The following SPI1 variants were observed in gnomAD, a reference collection of about 807,000 sequenced individuals.
SPI1 encodes the protein Spi-1 proto-oncogene.
SPI1 carries 3 observed loss-of-function variants against 30.7 expected under a neutral mutation model. The ratio of observed to expected loss-of-function variants is 0.10; its 90% CI spans 0.04 to 0.25. The LOEUF is 0.25. SPI1 is among the 10% of genes least tolerant of loss of function. The pLI is 1.00. For missense variants in SPI1, 261 were observed against 371.5 expected, an observed-to-expected ratio of 0.70 and a Z score of 2.45; for synonymous variants, 169 against 157.1, an observed-to-expected ratio of 1.08 and a Z score of -0.56.
At chr11:47,371,274 C>T (rs1260520105) in intron 2 of SPI1, among the ~76,000 whole-genome samples, 3 of 141,056 alleles carry the variant, frequency 2.1e-5, no homozygotes, top group Admixed American at 7.4e-5. Flanking sequence ...GCAGGAGAAT[C>T]GCTTGAACCC....
At chr11:47,360,237 C>G (rs1355861940) in intron 2 of SPI1, among the ~76,000 whole-genome samples, 197 bp from the exon 3 acceptor site, 2 of 152,054 alleles carry the variant, frequency 1.3e-5, no homozygotes, top group Non-Finnish European at 2.9e-5. Context: ...CATAGCATGC[C>G]CAAGGTCAAA....
chr11:47,356,223 ACACT>A (rs1322885707), intron 4 of SPI1, among the ~76,000 whole-genome samples: 33 of 151,076 alleles, frequency 2.2e-4, no homozygotes, highest in Admixed American at 3.3e-4. Flanking sequence ...ACATGCTCAC[ACACT>A]CATTCACTAA....
At chr11:47,373,375 C>T (rs149127048) in intron 2 of SPI1, among the ~76,000 whole-genome samples, 145 of 151,058 alleles carry the variant, frequency 9.6e-4, no homozygotes, top group African/African-American at 3.4e-3. Flanking sequence ...AGACTGGGCG[C>T]GGTGGTTCAC....
At chr11:47,357,659 G>A (rs559119397) in intron 4 of SPI1, among the ~76,000 whole-genome samples, 8 of 152,306 alleles carry the variant, frequency 5.3e-5, no homozygotes, top group Admixed American at 3.9e-4. Flanking sequence ...TCCACCTCCC[G>A]GGTTCAAGCA....
chr11:47,357,079 T>TTCACACATGCTAACACC (rs1221830716), intron 4 of SPI1, among the ~76,000 whole-genome samples: 1 of 147,808 alleles, frequency 6.8e-6, no homozygotes, highest in South Asian at 2.2e-4. Context: ...ATGCTAACAC[T>TTCACACATGCTAACACC]TCACACATGC....
rs1409242353 is a variant in SPI1 at position 47,374,923 on chromosome 11, T to A, written c.142+710A>T. 6.6e-6 allele frequency among the ~76,000 whole-genome samples: 1 copy of A among 152,234 alleles called. No individual in the cohort carries two copies. ...CTTCAGCAAACTGGGGGCCTCGGCCTCTGCTGAACAAGAGGTTCTCATAGG... is the reference window on the plus strand; with the variant it reads ...CTTCAGCAAACTGGGGGCCTCGGCCACTGCTGAACAAGAGGTTCTCATAGG... On this transcript the variant is annotated intron_variant, in intron 2 of 4. Transcript: ENST00000378538. This position sits in a 1 kb window ranked among gnomAD's most constrained non-coding sequence, Gnocchi z 4.5.
intron 2 of SPI1, among the ~76,000 whole-genome samples, chr11:47,366,512 C>G (rs1453186554): frequency 6.6e-6 from 1 of 152,124 alleles, no homozygotes; most frequent in Non-Finnish European, 1.5e-5. Flanking sequence ...AGATCACAGA[C>G]CACTAGACTA....
chr11:47,371,411 A>G (rs186859897), intron 2 of SPI1, among the ~76,000 whole-genome samples: 72 of 137,978 alleles, frequency 5.2e-4, no homozygotes, highest in African/African-American at 1.9e-3. Flanking sequence ...TCATGCCTAT[A>G]ATCCCAGCAC....
chr11:47,364,833 G>A (rs1462548344), intron 2 of SPI1, among the ~76,000 whole-genome samples: 1 of 152,112 alleles, frequency 6.6e-6, no homozygotes, highest in Non-Finnish European at 1.5e-5. Context: ...TCCTGCTGGA[G>A]ACCCACTGAA....
Position 47,359,191 on chromosome 11 carries a change from G to A in SPI1, c.331-185C>T, listed in dbSNP as rs1416723129. On this transcript the variant is annotated intron_variant, in intron 3 of 4. Coordinates refer to ENST00000378538, the MANE Select transcript of SPI1 (RefSeq NM_003120.3). The surrounding 1 kb of genome is among the most constrained non-coding windows in gnomAD (Gnocchi z 5.1). ...TTGAGGTGCTGCACATAGGGTGCAG[G>A]CTGTGGGGCGAGGGGTGCTGACATC... 6.6e-6 allele frequency among the ~76,000 whole-genome samples: 1 copy of A among 152,166 alleles called. No individual in the cohort carries two copies. The highest frequency in any genetic ancestry group is 2.4e-5 in the African/African-American group (1 of 41,440).
In SPI1 at chr11:47,372,985, G is replaced by A. The variant is rs535377229; in HGVS notation, c.142+2648C>T. Among the ~76,000 whole-genome samples the A allele has an allele frequency of 1.3e-4, 20 of 152,314 alleles. No homozygotes were observed. In the South Asian group the frequency reaches 2.5e-3, roughly 19 times the overall value. ...ACCTAAAAATGTGGACAAAGAGGACGTGCAGGAATTGACAGAAGTGTGTGG... is the reference window on the plus strand; with the variant it reads ...ACCTAAAAATGTGGACAAAGAGGACATGCAGGAATTGACAGAAGTGTGTGG... On this transcript the variant is annotated intron_variant, in intron 2 of 4. Coordinates refer to ENST00000378538, the MANE Select transcript of SPI1 (RefSeq NM_003120.3).
rs1205140185 is a variant in SPI1, at chr11:47,355,072, C to T, written c.*155G>A. The T allele has an allele frequency of 2.3e-6, 1 of 428,658 alleles. No individual in the cohort carries two copies. 26.6% of individuals were successfully genotyped at this position (428,658 alleles called of 1,614,324 possible). A position where few individuals can be genotyped will look rare whatever the true frequency, so the allele number is the denominator to read the frequency against. On this transcript the variant is annotated 3_prime_UTR_variant, in exon 5 of 5. Coordinates refer to ENST00000378538, the MANE Select transcript of SPI1 (RefSeq NM_003120.3). ...GAGGCGAAGCGGGATGTGGAGGGGG[C>T]CTGGAGTGGGGGGAGGGGGCGGGTG...
Position 47,359,948 on chromosome 11 carries a change from G to T in SPI1, c.235C>A (p.Pro79Thr). The T allele has an allele frequency of 1.2e-6, 2 of 1,611,794 alleles. No homozygotes were observed. The highest frequency in any genetic ancestry group is 1.7e-6 in the Non-Finnish European group (2 of 1,179,742). Residue 79 changes from proline to threonine, a missense_variant, in exon 3 of 5, where the codon CCG becomes ACG. Coordinates refer to ENST00000378538, the MANE Select transcript of SPI1 (RefSeq NM_003120.3). The surrounding 1 kb of genome is among the most constrained non-coding windows in gnomAD (Gnocchi z 5.1). ...TGGCGGTAGAGCTGCTGCAGCTGCGGGGGCTGCACGCTCTGGAGCTCCGTG... is the reference window on the plus strand; with the variant it reads ...TGGCGGTAGAGCTGCTGCAGCTGCGTGGGCTGCACGCTCTGGAGCTCCGTG... The part of the protein sequence containing the change: ...NFTELQSVQP[P>T]QLQQLYRHME...
intron 2 of SPI1, among the ~76,000 whole-genome samples, chr11:47,369,200 C>T (rs754315967): frequency 5.3e-5 from 8 of 152,054 alleles, no homozygotes; most frequent in East Asian, 1.9e-4. Flanking sequence ...TGCAGTGAGC[C>T]GAGATCACGC....
intron 2 of SPI1, among the ~76,000 whole-genome samples, chr11:47,368,340 G>C (rs2095931296): frequency 6.6e-6 from 1 of 152,146 alleles, no homozygotes; most frequent in East Asian, 1.9e-4. Flanking sequence ...ACTCCAGCCT[G>C]GGTGACAGGG....
intron 2 of SPI1, among the ~76,000 whole-genome samples, chr11:47,369,291 C>A (rs2095932505): frequency 1.3e-5 from 2 of 152,100 alleles, no homozygotes; most frequent in African/African-American, 2.4e-5. Flanking sequence ...TAAACAATAG[C>A]AAATCCTGTA....
In SPI1 at chr11:47,359,822, C is replaced by G. The variant is rs185801580; in HGVS notation, c.330+31G>C. On this transcript the variant is annotated intron_variant, in intron 3 of 4. Transcript: ENST00000378538. This position sits in a 1 kb window ranked among gnomAD's most constrained non-coding sequence, Gnocchi z 5.1. The stretch of plus-strand genomic sequence containing the variant: ...GGCCCCACCACAGGCCTGGCAGTCT[C>G]CTGGGGGACGGGGCAGGCGGTGGCA... The G allele has an allele frequency of 1.3e-3, 2,141 of 1,598,644 alleles. 9 individuals carry two copies. The highest frequency in any genetic ancestry group is 6.2e-3 in the South Asian group (562 of 90,966).
Position 47,358,929 on chromosome 11 carries a change from G to T in SPI1, c.408C>A (p.Gly136=). The T allele has an allele frequency of 6.4e-7, 1 of 1,565,198 alleles. No individual in the cohort carries two copies. Among genetic ancestry groups the T allele is most frequent in the Non-Finnish European group, 8.7e-7 (1 of 1,155,932 alleles). Residue 136 remains glycine (G), a synonymous_variant, in exon 4 of 5, where the codon GGC becomes GGA. Transcript: ENST00000378538. ...CCTCCAGTGGGGGGCTCTGCCGCTC[G>T]CCCTCCTCCTCATCTGAGCTGGGCT... The part of the protein sequence containing the change: ...PAQPSSDEEE[G]ERQSPPLEVS...
chr11:47,358,669 C>T lies in SPI1; in HGVS notation c.493+175G>A, dbSNP rs2095915870. On this transcript the variant is annotated intron_variant, in intron 4 of 4. Coordinates refer to ENST00000378538, the MANE Select transcript of SPI1 (RefSeq NM_003120.3). ...GCCCGTATGCACTACACAGCAGATA[C>T]ACACACACAGAGACAGCCACAGACA... is the stretch of plus-strand genomic sequence containing the variant. 10 of 723,662 alleles carry T rather than the reference C, an allele frequency of 1.4e-5. No individual in the cohort carries two copies. The East Asian group carries it at 2.4e-4, about 17-fold the overall frequency. The allele number at this position is 723,662 out of a possible 1,614,324, so 44.8% of individuals were successfully genotyped here. A position where few individuals can be genotyped will look rare whatever the true frequency, so the allele number is the denominator to read the frequency against.
Sources: gnomAD v4.1 joint callset for allele counts (sites outside exome capture counted in the v4.1 genomes callset) on GRCh38, gnomAD v4.1.1 for gene constraint, Gnocchi (gnomAD v3.1) non-coding constraint, MANE v1.5 for transcripts, NCBI Gene and HGNC (gene_info 2026-07-23, HGNC 2026-07-21) for gene names.